EXO1: variants seen among roughly 807,000 people sequenced by gnomAD.
EXO1 encodes exonuclease 1.
A neutral mutation model predicts 84.5 loss-of-function variants in EXO1; 69 were observed. The observed-to-expected ratio is 0.82, with a 90% CI of 0.67 to 1.00. EXO1 has a LOEUF of 1.00. Among genes scored for constraint, EXO1 ranks in the 50% least tolerant of loss-of-function variants. EXO1 has a pLI of 0.00. For missense variants in EXO1, 1,045 were observed against 1,000.7 expected, an observed-to-expected ratio of 1.04 and a Z score of -0.60; for synonymous variants, 373 against 366.1, an observed-to-expected ratio of 1.02 and a Z score of -0.21.
At chr1:241,875,658 C>A (rs1362259981) in intron 12 of EXO1, among the ~76,000 whole-genome samples, 2 of 152,144 alleles carry the variant, frequency 1.3e-5, no homozygotes, top group Non-Finnish European at 2.9e-5. Context: ...GCGGTCGGAT[C>A]ATGAGGTCAG....
intron 11 of EXO1, among the ~76,000 whole-genome samples, chr1:241,870,789 T>C (rs1662039174): frequency 6.6e-6 from 1 of 152,218 alleles, no homozygotes; most frequent in Non-Finnish European, 1.5e-5. Context: ...CATCTGGAAA[T>C]TGATGAGTCT....
chr1:241,888,866 G>A lies in EXO1; in HGVS notation c.2406-599G>A, dbSNP rs1415764957. On this transcript the variant is annotated intron_variant, in intron 15 of 15. Coordinates refer to ENST00000366548, the MANE Select transcript of EXO1 (RefSeq NM_130398.4). ...GAGGCAGGCAGATCACTTGAGGTCA[G>A]GAGTTTGAGACCAGCCTGGCCAGCA... Among the ~76,000 whole-genome samples, 9 of 152,138 alleles carry A rather than the reference G, an allele frequency of 5.9e-5. No individual in the cohort carries two copies. The South Asian group carries it at 1.5e-3, about 25-fold the overall frequency.
Position 241,872,216 on chromosome 1 carries a change from A to C in EXO1, c.1452A>C (p.Ala484=). ...CACCTAGGACGAGAAATAAATTTGC[A>C]ACATTTTTACAAAGGAAAAATGAAG... ...STPPRTRNKF[A]TFLQRKNEES... The change falls in exon 12 of 16, where the codon GCA becomes GCC. Residue 484 remains alanine (A), a synonymous_variant. Coordinates refer to ENST00000366548, the MANE Select transcript of EXO1 (RefSeq NM_130398.4). The C allele has an allele frequency of 6.2e-7, 1 of 1,614,052 alleles. No individual in the cohort carries two copies. Among genetic ancestry groups the C allele is most frequent in the Non-Finnish European group, 8.5e-7 (1 of 1,179,950 alleles).
At chr1:241,852,459 G>A in intron 5 of EXO1, 48 bp downstream of exon 5, 2 of 1,544,510 alleles carry the variant, frequency 1.3e-6, no homozygotes, top group South Asian at 2.2e-5. Flanking sequence ...ACTAAGGTCA[G>A]ACACTGTAGT....
At chr1:241,870,277 AAAAAC>A (rs1209970100) in intron 11 of EXO1, among the ~76,000 whole-genome samples, 3 of 152,230 alleles carry the variant, frequency 2.0e-5, no homozygotes, top group East Asian at 1.9e-4. Context: ...ACACAAACAC[AAAAAC>A]AAAACAAAAG....
intron 11 of EXO1, among the ~76,000 whole-genome samples, chr1:241,869,421 GAA>G (rs1393720743): frequency 6.6e-6 from 1 of 152,182 alleles, no homozygotes; most frequent in East Asian, 1.9e-4. Context: ...AAAATGAAAA[GAA>G]TGATTATAAT....
In EXO1 at chr1:241,879,320, T is replaced by C. The variant is rs1025213627; in HGVS notation, c.2086T>C (p.Ser696Pro). ...AAATGCATCAAAGCTTTCTCAGTGCTCTAGTAAGGACTCTGATTCAGAGGT... is the reference window on the plus strand; with the variant it reads ...AAATGCATCAAAGCTTTCTCAGTGCCCTAGTAAGGACTCTGATTCAGAGGT... ...SSNASKLSQCSSKDSDSEESD... is the reference protein window; with the variant it reads ...SSNASKLSQCPSKDSDSEESD... Residue 696 changes from serine (S) to proline (P), a missense_variant, in exon 13 of 16, where the codon TCT becomes CCT. Coordinates refer to ENST00000366548, the MANE Select transcript of EXO1 (RefSeq NM_130398.4). 4 of 1,600,724 alleles carry C rather than the reference T, an allele frequency of 2.5e-6. No individual in the cohort carries two copies. The African/African-American group carries it at 5.4e-5, about 22-fold the overall frequency.
rs34121929 is a variant in EXO1, at chr1:241,866,562, A to ATTT, written c.1042-250_1042-248dup. Among the ~76,000 whole-genome samples, 17 of 119,128 alleles carry ATTT rather than the reference A, an allele frequency of 1.4e-4. No individual in the cohort carries two copies. In the East Asian group the frequency reaches 1.7e-3, roughly 12 times the overall value. The allele number at this position is 119,128 out of a possible 152,430, so 78.2% of individuals were successfully genotyped here. A position where few individuals can be genotyped will look rare whatever the true frequency, so the allele number is the denominator to read the frequency against. ...TTTCTACAGCTGCTAGCAACTCTTG[A>ATTT]TTTTTTTTTTTTTTTTTTTTAGAAA... On this transcript the variant is annotated intron_variant, in intron 10 of 15. Coordinates refer to ENST00000366548, the MANE Select transcript of EXO1 (RefSeq NM_130398.4).
At chr1:241,879,784 C>T (rs902566184) in intron 13 of EXO1, among the ~76,000 whole-genome samples, 2 of 152,206 alleles carry the variant, frequency 1.3e-5, no homozygotes, top group Admixed American at 6.5e-5. Flanking sequence ...GCGAGCGGAT[C>T]ACTTGAGGTC....
At chr1:241,869,710 A>T (rs997701496) in intron 11 of EXO1, among the ~76,000 whole-genome samples, 3 of 151,812 alleles carry the variant, frequency 2.0e-5, no homozygotes, top group Non-Finnish European at 4.4e-5. Flanking sequence ...TAAGAAGTAC[A>T]GTGTACATTC....
At chr1:241,864,769 T>G (rs2148447666) in intron 10 of EXO1, among the ~76,000 whole-genome samples, 1 of 152,334 alleles carries the variant, frequency 6.6e-6, no homozygotes, top group African/African-American at 2.4e-5. Context: ...TTTTGCAGGT[T>G]AATTTTGTGT....
chr1:241,848,883 A>G lies in EXO1; in HGVS notation c.-267A>G, dbSNP rs1372011270. 1 of 152,158 alleles carries G rather than the reference A, an allele frequency of 6.6e-6. No individual in the cohort carries two copies. The highest frequency in any genetic ancestry group is 2.4e-5 in the African/African-American group (1 of 41,426). 9.4% of individuals were successfully genotyped at this position (152,158 alleles called of 1,614,324 possible). On this transcript the variant is annotated 5_prime_UTR_variant, in exon 2 of 16. Coordinates refer to ENST00000366548, the MANE Select transcript of EXO1 (RefSeq NM_130398.4). The surrounding 1 kb of genome is among the most constrained non-coding windows in gnomAD (Gnocchi z 4.2). The stretch of plus-strand genomic sequence containing the variant: ...TGTACACAGTCATTCTTACTATCGC[A>G]CTCAGCCATTCTTACTACGCTAAAG...
intron 12 of EXO1, among the ~76,000 whole-genome samples, chr1:241,875,705 C>T (rs576813834): frequency 1.7e-4 from 26 of 152,230 alleles, no homozygotes; most frequent in Admixed American, 1.3e-3. Flanking sequence ...GGTGAAACCC[C>T]ATCTCTACTA....
At chr1:241,857,081 T>C (rs546845323) in intron 6 of EXO1, among the ~76,000 whole-genome samples, 1 of 152,340 alleles carries the variant, frequency 6.6e-6, no homozygotes, top group African/African-American at 2.4e-5. Flanking sequence ...ACTTGTAGGA[T>C]TCTTTTTTCC....
intron 4 of EXO1, among the ~76,000 whole-genome samples, chr1:241,851,206 G>A (rs747865331): frequency 3.1e-4 from 47 of 152,062 alleles, no homozygotes; most frequent in Non-Finnish European, 6.6e-4. Flanking sequence ...ACATTCTTGG[G>A]TACAGAAAAC....
chr1:241,871,072 C>T (rs1662058075), intron 11 of EXO1, among the ~76,000 whole-genome samples: 1 of 150,514 alleles, frequency 6.6e-6, no homozygotes, highest in South Asian at 2.1e-4. Context: ...ATGCTAATAA[C>T]CTTATTGAGA....
intron 12 of EXO1, 24 bp downstream of exon 12, chr1:241,872,302 T>C (rs768348562): frequency 2.5e-6 from 4 of 1,611,102 alleles, no homozygotes; most frequent in Non-Finnish European, 3.4e-6. Context: ...TCCAGAATGT[T>C]GATTGTCTGT....
At chr1:241,857,144 A>T (rs536599959) in intron 6 of EXO1, among the ~76,000 whole-genome samples, 5 of 152,326 alleles carry the variant, frequency 3.3e-5, no homozygotes, top group African/African-American at 9.6e-5. Context: ...TTGATTTTTT[A>T]AAAATGTCTT....
chr1:241,868,395 A>T (rs1327580887), intron 11 of EXO1, among the ~76,000 whole-genome samples: 1 of 151,484 alleles, frequency 6.6e-6, no homozygotes, highest in Non-Finnish European at 1.5e-5. Flanking sequence ...AAAAAAAAAA[A>T]AAATTAAGAA....
Sources: allele counts gnomAD v4.1 joint callset (sites outside exome capture counted in the v4.1 genomes callset), GRCh38; gene constraint gnomAD v4.1.1; non-coding constraint Gnocchi (gnomAD v3.1); transcripts MANE v1.5; gene names NCBI Gene and HGNC (gene_info 2026-07-23, HGNC 2026-07-21).